MYH7: variants seen among roughly 807,000 people sequenced by gnomAD.
MYH7 encodes the protein myosin heavy chain 7, also known as myosin-7.
In MYH7, 129 loss-of-function variants were observed where a neutral mutation model predicts 225.4. The observed-to-expected ratio is 0.57, with a 90% CI of 0.50 to 0.66. The LOEUF (loss-of-function observed/expected upper bound fraction) is 0.66. MYH7 is among the 30% of genes least tolerant of loss of function. The pLI is 0.00. For synonymous variants in MYH7, 971 were observed against 1,007.6 expected (o/e 0.96, Z 0.69); for missense variants, 1,649 against 2,517.0 (o/e 0.66, Z 7.38).
rs770477774 is a variant in MYH7 at position 23,416,268 on chromosome 14, C to T, written c.4689G>A (p.Leu1563=). ...TCTCTGCCTTGATCTGGTTGAACTC[C>T]AGCTGGGCCCGGAGGATCTTGCCCT... ...HEEGKILRAQ[L]EFNQIKAEIE... is the part of the protein sequence containing the mutation. Residue 1563 remains leucine (L), a synonymous_variant, in exon 34 of 40, where the codon CTG becomes CTA. Transcript: ENST00000355349. 48 of 1,612,536 alleles carry T rather than the reference C, an allele frequency of 3.0e-5. No homozygotes were observed. The highest frequency in any genetic ancestry group is 4.5e-5 in the East Asian group (2 of 44,824).
chr14:23,424,686 A>G, intron 22 of MYH7, 83 bp downstream of exon 22: 1 of 1,600,038 alleles, frequency 6.2e-7, no homozygotes, highest in Non-Finnish European at 8.5e-7. Context: ...CAAGACAGTG[A>G]GCCCCTGTGC....
chr14:23,427,951 C>A, intron 15 of MYH7, 57 bp from the exon 16 acceptor site: 2 of 1,605,412 alleles, frequency 1.2e-6, no homozygotes, highest in Non-Finnish European at 1.7e-6. Context: ...GACATGGATT[C>A]TGCTCTATGG....
chr14:23,430,105 G>A (rs1158446733), intron 11 of MYH7, among the ~76,000 whole-genome samples, 192 bp from the exon 12 acceptor site: 1 of 152,180 alleles, frequency 6.6e-6, no homozygotes, highest in Non-Finnish European at 1.5e-5. Context: ...TAAGATGCAA[G>A]AGCAGAGCAG....
Position 23,423,678 on chromosome 14 carries a change from C to T in MYH7, c.2968G>A (p.Ala990Thr), listed in dbSNP as rs753137666. The T allele has an allele frequency of 1.2e-6, 2 of 1,614,080 alleles. No individual in the cohort carries two copies. The highest frequency in any genetic ancestry group is 1.7e-6 in the Non-Finnish European group (2 of 1,180,004). Residue 990 changes from alanine (A) to threonine (T), a missense_variant, in exon 24 of 40, where the codon GCC (alanine) becomes ACC (threonine). Physicochemically the swap from Ala to Thr is moderately conservative, Grantham distance 58 (BLOSUM62 0). Coordinates refer to ENST00000355349, the MANE Select transcript of MYH7 (RefSeq NM_000257.4). The part of the protein sequence containing the change: ...EEMAGLDEII[A>T]KLTKEKKALQ... Reference sequence around the variant, plus strand: ...GCTTTCTTCTCCTTGGTCAGCTTGGCAATGATCTCATCCAGCCCAGCCATC... The same window carrying T: ...GCTTTCTTCTCCTTGGTCAGCTTGGTAATGATCTCATCCAGCCCAGCCATC...
At chr14:23,419,063 C>A in intron 29 of MYH7, 114 bp downstream of exon 29, 2 of 992,148 alleles carry the variant, frequency 2.0e-6, no homozygotes. Context: ...TTTTAGAATT[C>A]TTGGAGAACT....
intron 28 of MYH7, 41 bp from the exon 29 acceptor site, chr14:23,419,336 C>A (rs771379833): frequency 4.3e-6 from 7 of 1,612,996 alleles, no homozygotes; most frequent in Non-Finnish European, 5.9e-6. Context: ...CTCTCTATCC[C>A]CACCTCCTCC....
intron 17 of MYH7, among the ~76,000 whole-genome samples, 158 bp from the exon 18 acceptor site, chr14:23,427,022 T>G (rs1892719293): frequency 6.8e-6 from 1 of 147,190 alleles, no homozygotes; most frequent in South Asian, 2.2e-4. Flanking sequence ...GGAGAGAGGG[T>G]GGGAGACAGA....
chr14:23,424,541 G>A (rs1012916414), intron 22 of MYH7, among the ~76,000 whole-genome samples: 1 of 152,210 alleles, frequency 6.6e-6, no homozygotes, highest in Non-Finnish European at 1.5e-5. Flanking sequence ...ATTAAGCTGT[G>A]TATCTAGGTT....
chr14:23,427,367 G>A, intron 16 of MYH7, 60 bp from the exon 17 acceptor site: 1 of 1,583,180 alleles, frequency 6.3e-7, no homozygotes, highest in Non-Finnish European at 8.7e-7. Context: ...TGTGAGTAAA[G>A]AATCACAGCC....
chr14:23,422,928 C>T (rs1315040538), intron 24 of MYH7, among the ~76,000 whole-genome samples: 4 of 152,186 alleles, frequency 2.6e-5, no homozygotes, highest in African/African-American at 9.7e-5. Flanking sequence ...CGCGGCTGGC[C>T]GCCGTATTCA....
chr14:23,420,494 G>A (rs1892432969), intron 26 of MYH7, among the ~76,000 whole-genome samples: 1 of 152,184 alleles, frequency 6.6e-6, no homozygotes. Context: ...GTGTTCTGGG[G>A]ATATTTTAAG....
Position 23,433,726 on chromosome 14 carries a change from C to G in MYH7, c.7G>C (p.Asp3His). MG[D>H]SEMAVFGAAA... Reference sequence around the variant, plus strand: ...GCCCCAAAGACTGCCATCTCCGAATCTCCCATGGCTGTGCCTGGAGTGAGC... The same window carrying G: ...GCCCCAAAGACTGCCATCTCCGAATGTCCCATGGCTGTGCCTGGAGTGAGC... The change falls in exon 3 of 40, where the codon GAT becomes CAT. Residue 3 changes from aspartate (D) to histidine (H), a missense_variant. Asp to His is a moderately conservative substitution (Grantham distance 81). Transcript: ENST00000355349. This position sits in a 1 kb window ranked among gnomAD's most constrained non-coding sequence, Gnocchi z 4.1. The G allele has an allele frequency of 6.2e-7, 1 of 1,613,978 alleles. No individual in the cohort carries two copies. Among genetic ancestry groups the G allele is most frequent in the Non-Finnish European group, 8.5e-7 (1 of 1,180,036 alleles).
rs767904246 is a variant in MYH7 at position 23,415,287 on chromosome 14, G to A, written c.5284-17C>T. 21 of 1,614,122 alleles carry A rather than the reference G, an allele frequency of 1.3e-5. No homozygotes were observed. In the Admixed American group the frequency reaches 3.2e-4, roughly 24 times the overall value. ...CATGGCGGCCTGTGTGCAGGAGAGA[G>A]GTGGCACATGGTCTGGTCAAGTCCT... On this transcript the variant is annotated splice_polypyrimidine_tract_variant and intron_variant, in intron 36 of 39. Transcript: ENST00000355349. This position sits in a 1 kb window ranked among gnomAD's most constrained non-coding sequence, Gnocchi z 6.3.
At chr14:23,413,336 T>A (rs183832481) in intron 39 of MYH7, among the ~76,000 whole-genome samples, 267 of 152,256 alleles carry the variant, frequency 1.8e-3, no homozygotes, top group African/African-American at 6.2e-3. Flanking sequence ...TCCCGTACTT[T>A]GGGAGGCTGA....
Position 23,428,971 on chromosome 14 carries a change from C to T in MYH7, c.1391G>A (p.Gly464Asp). ...CCAACTCACATCGAAGATCTCGAAG[C>T]CAGCGATGTCCAGGACTCCTATGAA... is the stretch of plus-strand genomic sequence containing the variant. ...QYFIGVLDIA[G>D]FEIFDFNSFE... Residue 464 changes from glycine to aspartate, a missense_variant, in exon 14 of 40, where the codon GGC (glycine) becomes GAC (aspartate). Around this residue, in one of 12 missense-constraint regions of MYH7, gnomAD observed 76 missense variants for 233.8 expected, o/e 0.33. Transcript: ENST00000355349. 6.2e-7 allele frequency: 1 copy of T among 1,614,218 alleles called. No individual in the cohort carries two copies. The highest frequency in any genetic ancestry group is 1.6e-4 in the Middle Eastern group (1 of 6,062).
chr14:23,433,019 TC>T lies in MYH7; in HGVS notation c.345+64del. The T allele has an allele frequency of 6.2e-7, 1 of 1,610,490 alleles. No homozygotes were observed. The highest frequency in any genetic ancestry group is 1.1e-5 in the South Asian group (1 of 90,860). On this transcript the variant is annotated intron_variant, in intron 4 of 39. Coordinates refer to ENST00000355349, the MANE Select transcript of MYH7 (RefSeq NM_000257.4). This position sits in a 1 kb window ranked among gnomAD's most constrained non-coding sequence, Gnocchi z 4.1. ...GACACAAACAGAAGACACTCTTGGC[TC>T]CTGGGGTGGACATGGATGGAGCAAG...
intron 12 of MYH7, 113 bp downstream of exon 12, chr14:23,429,662 C>G: frequency 6.9e-7 from 1 of 1,449,700 alleles, no homozygotes; most frequent in Non-Finnish European, 9.2e-7. Flanking sequence ...GGCAACAGAG[C>G]AAGACTCCAT....
In MYH7 at chr14:23,417,573, A is replaced by G. The variant is rs727503244; in HGVS notation, c.4283T>C (p.Leu1428Ser). 7.2e-5 allele frequency: 116 copies of G among 1,612,342 alleles called. No homozygotes were observed. Among genetic ancestry groups the G allele is most frequent in the Non-Finnish European group, 9.7e-5 (114 of 1,180,036 alleles). ...KHRLQNEIED[L>S]MVDVERSNAA... is the part of the protein sequence containing the mutation. ...ATTGGAGCGCTCTACGTCCACCATCAAGTCCTCGATCTCATTCTGTAGCCG... is the reference window on the plus strand; with the variant it reads ...ATTGGAGCGCTCTACGTCCACCATCGAGTCCTCGATCTCATTCTGTAGCCG... Residue 1428 changes from leucine to serine, a missense_variant, in exon 31 of 40, where the codon TTG becomes TCG. Leu to Ser is a moderately radical substitution (Grantham distance 145). Around this residue, in one of 12 missense-constraint regions of MYH7, gnomAD observed 687 missense variants for 913.8 expected, o/e 0.75. Transcript: ENST00000355349.
chr14:23,424,839 C>T lies in MYH7; in HGVS notation c.2609G>A (p.Arg870His), dbSNP rs36211715. The part of the protein sequence containing the change: ...KEALEKSEAR[R>H]KELEEKMVSL... ...CACCATCTTCTCCTCCAGCTCCTTG[C>T]GGCGAGCCTCGGACTTCTCTAGCGC... Residue 870 changes from arginine (R) to histidine (H), a missense_variant, in exon 22 of 40, where the codon CGC (arginine) becomes CAC (histidine). By Grantham distance (29) the Arg-to-His change is conservative. Coordinates refer to ENST00000355349, the MANE Select transcript of MYH7 (RefSeq NM_000257.4). 9.3e-6 allele frequency: 15 copies of T among 1,614,086 alleles called. No homozygotes were observed. Among genetic ancestry groups the T allele is most frequent in the Admixed American group, 1.7e-5 (1 of 60,002 alleles).
Sources: gnomAD v4.1 joint callset for allele counts (sites outside exome capture counted in the v4.1 genomes callset) on GRCh38, gnomAD v4.1.1 for gene constraint, gnomAD v4.1.1 regional missense constraint, Gnocchi (gnomAD v3.1) non-coding constraint, MANE v1.5 for transcripts, NCBI Gene and HGNC (gene_info 2026-07-23, HGNC 2026-07-21) for gene names.